The following WWOX variants were observed in gnomAD, a reference collection of about 807,000 sequenced individuals.
The protein encoded by WWOX is WW domain containing oxidoreductase, also known as WW domain-containing oxidoreductase.
WWOX carries 69 observed loss-of-function variants against 46.2 expected under a neutral mutation model. The ratio of observed to expected loss-of-function variants is 1.49; its 90% CI spans 1.23 to 1.82. WWOX has a LOEUF of 1.82. WWOX is among the 40% of genes most tolerant of loss of function. The pLI is 0.00. For synonymous variants in WWOX, 359 were observed against 202.6 expected (o/e 1.77, Z -6.56); for missense variants, 919 against 542.6 (o/e 1.69, Z -6.89).
intron 8 of WWOX, among the ~76,000 whole-genome samples, chr16:78,707,193 C>T (rs1284509620): frequency 6.6e-6 from 1 of 152,142 alleles, no homozygotes. Context: ...CCTTCTTTTA[C>T]CACCCCTTAC....
chr16:78,129,025 A>G (rs957507230), intron 4 of WWOX, among the ~76,000 whole-genome samples: 14 of 152,212 alleles, frequency 9.2e-5, no homozygotes, highest in African/African-American at 3.1e-4. Flanking sequence ...TAGTAGATCC[A>G]TATGGGGAAC....
At chr16:78,464,010 C>G (rs2084015531) in intron 8 of WWOX, among the ~76,000 whole-genome samples, 1 of 152,088 alleles carries the variant, frequency 6.6e-6, no homozygotes, top group Non-Finnish European at 1.5e-5. Context: ...CGGTCAGAAC[C>G]TAGGACAGGC....
intron 5 of WWOX, among the ~76,000 whole-genome samples, chr16:78,238,739 C>T (rs2037526173): frequency 6.6e-6 from 1 of 151,928 alleles, no homozygotes; most frequent in African/African-American, 2.4e-5. Context: ...CCTGCCGCAG[C>T]CTCCCGAGTA....
chr16:79,101,658 A>T (rs1337546105), intron 8 of WWOX: 3 of 151,888 alleles, frequency 2.0e-5, no homozygotes, highest in Admixed American at 6.6e-5. Context: ...TGCTTTCCAG[A>T]AGACGCAACA....
At chr16:79,043,909 C>T (rs2048018972) in intron 8 of WWOX, among the ~76,000 whole-genome samples, 1 of 152,228 alleles carries the variant, frequency 6.6e-6, no homozygotes, top group Non-Finnish European at 1.5e-5. Flanking sequence ...AAGTCCAGGG[C>T]TGCCGCTCAT....
intron 8 of WWOX, among the ~76,000 whole-genome samples, chr16:78,985,358 G>A (rs1037087824): frequency 1.3e-5 from 2 of 152,178 alleles, no homozygotes; most frequent in Admixed American, 6.5e-5. Context: ...TGTCTCCAAT[G>A]TGCCTTGTCA....
chr16:79,058,132 A>C (rs1022830521), intron 8 of WWOX, among the ~76,000 whole-genome samples: 4 of 49,366 alleles, frequency 8.1e-5, no homozygotes, highest in South Asian at 4.9e-4. Context: ...AAACAAACAA[A>C]AAAAAAAAAC....
chr16:79,002,355 C>T (rs1403039469), intron 8 of WWOX, among the ~76,000 whole-genome samples: 3 of 150,920 alleles, frequency 2.0e-5, no homozygotes. Flanking sequence ...TCCTGAGTAG[C>T]TGGGATAACA....
chr16:78,602,637 C>G (rs2045648520), intron 8 of WWOX, among the ~76,000 whole-genome samples: 1 of 152,188 alleles, frequency 6.6e-6, no homozygotes, highest in South Asian at 2.1e-4. Context: ...CCATATCCTT[C>G]CGGCCAGGTT....
intron 8 of WWOX, among the ~76,000 whole-genome samples, chr16:78,474,002 C>G (rs894060678): frequency 2.6e-5 from 4 of 152,142 alleles, no homozygotes; most frequent in Non-Finnish European, 5.9e-5. Flanking sequence ...ATAAAGTTAC[C>G]TATCAGGACC....
intron 8 of WWOX, among the ~76,000 whole-genome samples, chr16:78,655,104 G>A (rs946296334): frequency 2.0e-5 from 3 of 152,100 alleles, no homozygotes; most frequent in East Asian, 1.9e-4. Flanking sequence ...CTTATCAACC[G>A]TATTTTACAG....
At chr16:78,286,173 CAATA>C (rs1435367401) in intron 5 of WWOX, among the ~76,000 whole-genome samples, 5 of 152,186 alleles carry the variant, frequency 3.3e-5, no homozygotes, top group Non-Finnish European at 7.3e-5. Flanking sequence ...AAAGCTGTTG[CAATA>C]AATACTTTTT....
intron 8 of WWOX, among the ~76,000 whole-genome samples, chr16:78,439,791 A>G (rs775390364): frequency 4.6e-5 from 7 of 152,344 alleles, no homozygotes; most frequent in African/African-American, 1.7e-4. Flanking sequence ...TTTGGCTACT[A>G]TATGAGTAGC....
rs924475161 is a variant in WWOX, at chr16:79,065,643, C to G, written c.1057-145965C>G. Among the ~76,000 whole-genome samples, 4 of 152,336 alleles carry G rather than the reference C, an allele frequency of 2.6e-5. No individual in the cohort carries two copies. In the South Asian group the frequency reaches 6.2e-4, roughly 24 times the overall value. On this transcript the variant is annotated intron_variant, in intron 8 of 8. Transcript: ENST00000566780. Reference sequence around the variant, plus strand: ...ATCTTGTGACCTCCTATGCCTACATCTTAGCTGAATTCAGACCCCTCTCCT... The same window carrying G: ...ATCTTGTGACCTCCTATGCCTACATGTTAGCTGAATTCAGACCCCTCTCCT...
chr16:78,479,803 G>C (rs1208637625), intron 8 of WWOX, among the ~76,000 whole-genome samples: 1 of 152,174 alleles, frequency 6.6e-6, no homozygotes, highest in Non-Finnish European at 1.5e-5. Context: ...TAAGATTCAA[G>C]ACCCAAACTA....
chr16:79,078,769 G>A (rs918686748), intron 8 of WWOX, among the ~76,000 whole-genome samples: 8 of 152,184 alleles, frequency 5.3e-5, no homozygotes, highest in Non-Finnish European at 1.2e-4. Flanking sequence ...CTTTTAGAAT[G>A]TCTTCACTTC....
intron 8 of WWOX, chr16:79,204,164 A>G (rs2051432764): frequency 1.3e-5 from 2 of 152,138 alleles, no homozygotes; most frequent in African/African-American, 4.8e-5. Flanking sequence ...TTTCATCCCT[A>G]TTCATAAAGA....
chr16:79,007,379 ATGGCAAACACAG>A (rs1185810605), intron 8 of WWOX, among the ~76,000 whole-genome samples: 1 of 152,172 alleles, frequency 6.6e-6, no homozygotes, highest in Non-Finnish European at 1.5e-5. Flanking sequence ...GGCAAAAGGA[ATGGCAAACACAG>A]TGGCCCTGAG....
chr16:78,730,540 C>T (rs1019150217), intron 8 of WWOX, among the ~76,000 whole-genome samples: 1 of 151,986 alleles, frequency 6.6e-6, no homozygotes, highest in African/African-American at 2.4e-5. Context: ...CAGCCTCAAC[C>T]GCCTGGTCTC....
Sources: gnomAD v4.1 joint callset for allele counts (sites outside exome capture counted in the v4.1 genomes callset) on GRCh38, gnomAD v4.1.1 for gene constraint, MANE v1.5 for transcripts, NCBI Gene and HGNC (gene_info 2026-07-23, HGNC 2026-07-21) for gene names.